Variants in RTL10 observed in about 807,000 individuals in gnomAD.
The protein encoded by RTL10 is protein Bop.
For synonymous variants in RTL10, 199 were observed against 188.4 expected (o/e 1.06, Z -0.46); for missense variants, 477 against 470.7 (o/e 1.01, Z -0.12).
Position 19,849,756 on chromosome 22 carries a change from T to G in RTL10, c.*1411A>C, listed in dbSNP as rs1296377382. Reference sequence around the variant, plus strand: ...TCCAATTCACATTTCTGCTTTTTCTTCCTACTTTCCAGGAAGGTGTTGTTT... The same window carrying G: ...TCCAATTCACATTTCTGCTTTTTCTGCCTACTTTCCAGGAAGGTGTTGTTT... On this transcript the variant is annotated 3_prime_UTR_variant, in exon 3 of 3. Coordinates refer to ENST00000328554, the MANE Select transcript of RTL10 (RefSeq NM_024627.6). The G allele has an allele frequency of 1.0e-6, 1 of 985,340 alleles. No individual in the cohort carries two copies. Among genetic ancestry groups the G allele is most frequent in the Non-Finnish European group, 1.2e-6 (1 of 829,938 alleles). 61.0% of individuals were successfully genotyped at this position (985,340 alleles called of 1,614,324 possible). A position where few individuals can be genotyped will look rare whatever the true frequency, so the allele number is the denominator to read the frequency against.
Position 19,851,596 on chromosome 22 carries a change from G to C in RTL10, c.666C>G (p.Gly222=), listed in dbSNP as rs753038784. The change falls in exon 3 of 3, where the codon GGC becomes GGG. Residue 222 remains glycine (G), a synonymous_variant. Transcript: ENST00000328554. ...GGGCAGTACCCATGTCGAGTGCCAGGCCCTCTAAGAACCTAGCTAAGTATT... is the reference window on the plus strand; with the variant it reads ...GGGCAGTACCCATGTCGAGTGCCAGCCCCTCTAAGAACCTAGCTAAGTATT... The part of the protein sequence containing the change: ...VRQYLARFLE[G]LALDMGTAPR... 3 of 1,599,742 alleles carry C rather than the reference G, an allele frequency of 1.9e-6. No homozygotes were observed. The East Asian group carries it at 6.7e-5, about 36-fold the overall frequency.
At chr22:19,854,211 C>A (rs1050758239) in intron 2 of RTL10, among the ~76,000 whole-genome samples, 1 of 152,226 alleles carries the variant, frequency 6.6e-6, no homozygotes, top group Non-Finnish European at 1.5e-5. Context: ...CAGCACTATC[C>A]TAAAGGGGCA....
chr22:19,848,122 C>A lies in RTL10; in HGVS notation c.*3045G>T. 1.0e-6 allele frequency: 1 copy of A among 984,610 alleles called. No homozygotes were observed. Among genetic ancestry groups the A allele is most frequent in the Non-Finnish European group, 1.2e-6 (1 of 829,500 alleles). 61.0% of individuals were successfully genotyped at this position (984,610 alleles called of 1,614,324 possible). On this transcript the variant is annotated 3_prime_UTR_variant, in exon 3 of 3. Coordinates refer to ENST00000328554, the MANE Select transcript of RTL10 (RefSeq NM_024627.6). Reference sequence around the variant, plus strand: ...ATTCCAATATCCCATAGGACCTTATCCTTAGTACTTCCTATTTTAAAGTTT... The same window carrying A: ...ATTCCAATATCCCATAGGACCTTATACTTAGTACTTCCTATTTTAAAGTTT...
chr22:19,852,994 C>T (rs943168119), intron 2 of RTL10, among the ~76,000 whole-genome samples: 1 of 152,194 alleles, frequency 6.6e-6, no homozygotes. Context: ...CTCTGAACAA[C>T]GCACAGACCG....
In RTL10 at chr22:19,851,068, C is replaced by T. The variant is rs988948554; in HGVS notation, c.*99G>A. The T allele has an allele frequency of 1.6e-5, 24 of 1,465,198 alleles. No individual in the cohort carries two copies. In the East Asian group the frequency reaches 5.7e-4, roughly 35 times the overall value. 90.8% of individuals were successfully genotyped at this position (1,465,198 alleles called of 1,614,324 possible). On this transcript the variant is annotated 3_prime_UTR_variant, in exon 3 of 3. Coordinates refer to ENST00000328554, the MANE Select transcript of RTL10 (RefSeq NM_024627.6). ...GCCCAGCTATGGGGTCTGAAGTCATCTGGGGACACCACTCTGCTCTGACTG... is the reference window on the plus strand; with the variant it reads ...GCCCAGCTATGGGGTCTGAAGTCATTTGGGGACACCACTCTGCTCTGACTG...
Position 19,846,497 on chromosome 22 carries a change from G to A in RTL10, c.*4670C>T, listed in dbSNP as rs1043772915. 1.3e-5 allele frequency: 13 copies of A among 985,298 alleles called. No homozygotes were observed. The highest frequency in any genetic ancestry group is 1.6e-5 in the Non-Finnish European group (13 of 829,906). The allele number at this position is 985,298 out of a possible 1,614,324, so 61.0% of individuals were successfully genotyped here. ...GGGACTCTGCACACAGGCATGTGGA[G>A]ACCACAGAAGCCTGCCCAATATAGC... is the stretch of plus-strand genomic sequence containing the variant. On this transcript the variant is annotated 3_prime_UTR_variant, in exon 3 of 3. Transcript: ENST00000328554.
rs1938027760 is a variant in RTL10, at chr22:19,848,890, A to G, written c.*2277T>C. 2.0e-6 allele frequency: 2 copies of G among 985,384 alleles called. No homozygotes were observed. The highest frequency in any genetic ancestry group is 4.7e-5 in the South Asian group (1 of 21,280). 61.0% of individuals were successfully genotyped at this position (985,384 alleles called of 1,614,324 possible). On this transcript the variant is annotated 3_prime_UTR_variant, in exon 3 of 3. Coordinates refer to ENST00000328554, the MANE Select transcript of RTL10 (RefSeq NM_024627.6). Reference sequence around the variant, plus strand: ...TGGCCTGTCCAGAAGCCTGTGGGACAGGGTAAAGGTCAGCTGGGTGACTAG... The same window carrying G: ...TGGCCTGTCCAGAAGCCTGTGGGACGGGGTAAAGGTCAGCTGGGTGACTAG...
rs34331843 is a variant in RTL10 at position 19,847,804 on chromosome 22, C to CAA, written c.*3361_*3362dup. The CAA allele has an allele frequency of 0.015, 8,993 of 606,912 alleles. 34 individuals are homozygous for CAA. The highest frequency in any genetic ancestry group is 0.015 in the Non-Finnish European group (7,751 of 514,948). 37.6% of individuals were successfully genotyped at this position (606,912 alleles called of 1,614,324 possible). A position where few individuals can be genotyped will look rare whatever the true frequency, so the allele number is the denominator to read the frequency against. On this transcript the variant is annotated 3_prime_UTR_variant, in exon 3 of 3. Coordinates refer to ENST00000328554, the MANE Select transcript of RTL10 (RefSeq NM_024627.6). ...ACTTTTAAAATCCTGGAATCATAGG[C>CAA]AAAAAAAAAAAAAAAAAAAAATTCA...
chr22:19,851,678 G>A lies in RTL10; in HGVS notation c.584C>T (p.Pro195Leu). The change falls in exon 3 of 3, where the codon CCC (proline) becomes CTC (leucine). Residue 195 changes from proline to leucine, a missense_variant. By Grantham distance (98) the Pro-to-Leu change is moderately conservative. Coordinates refer to ENST00000328554, the MANE Select transcript of RTL10 (RefSeq NM_024627.6). Reference sequence around the variant, plus strand: ...CAGCTGGCTGGAGGCCAGGGGCAGGGGACAGGTAACCACAGCATGGTACTC... The same window carrying A: ...CAGCTGGCTGGAGGCCAGGGGCAGGAGACAGGTAACCACAGCATGGTACTC... ...FAEYHAVVTC[P>L]LPLASSQLPV... 2.5e-6 allele frequency: 4 copies of A among 1,596,710 alleles called. No individual in the cohort carries two copies. Among genetic ancestry groups the A allele is most frequent in the Non-Finnish European group, 3.4e-6 (4 of 1,169,200 alleles).
rs932180181 is a variant in RTL10, at chr22:19,851,544, T to G, written c.718A>C (p.Thr240Pro). ...GAGTTGGACCCAGACACAGCAGGGG[T>G]GGCCATGGCGGCTGGTAAAGACCTG... ...APRSLPAAMA[T>P]PAVSGSNSVS... The change falls in exon 3 of 3, where the codon ACC becomes CCC. Residue 240 changes from threonine (T) to proline (P), a missense_variant. By Grantham distance (38) the Thr-to-Pro change is conservative. Coordinates refer to ENST00000328554, the MANE Select transcript of RTL10 (RefSeq NM_024627.6). 2 of 1,613,078 alleles carry G rather than the reference T, an allele frequency of 1.2e-6. No homozygotes were observed. Among genetic ancestry groups the G allele is most frequent in the Admixed American group, 1.7e-5 (1 of 59,942 alleles).
At position 19,850,161 on chromosome 22, in the gene RTL10, C is replaced by T; in HGVS notation, c.*1006G>A. ...ACAGCTGCAATGCTGACCTGGAATG[C>T]TCATGGCCAGGCCTCTGCTCCTGAC... On this transcript the variant is annotated 3_prime_UTR_variant, in exon 3 of 3. Transcript: ENST00000328554. 1.0e-6 allele frequency: 1 copy of T among 985,618 alleles called. No individual in the cohort carries two copies. Among genetic ancestry groups the T allele is most frequent in the South Asian group, 4.7e-5 (1 of 21,290 alleles). The allele number at this position is 985,618 out of a possible 1,614,324, so 61.1% of individuals were successfully genotyped here. A position where few individuals can be genotyped will look rare whatever the true frequency, so the allele number is the denominator to read the frequency against.
Position 19,848,887 on chromosome 22 carries a change from G to C in RTL10, c.*2280C>G. The C allele has an allele frequency of 1.0e-6, 1 of 985,394 alleles. No individual in the cohort carries two copies. The highest frequency in any genetic ancestry group is 1.2e-6 in the Non-Finnish European group (1 of 829,910). 61.0% of individuals were successfully genotyped at this position (985,394 alleles called of 1,614,324 possible). A position where few individuals can be genotyped will look rare whatever the true frequency, so the allele number is the denominator to read the frequency against. On this transcript the variant is annotated 3_prime_UTR_variant, in exon 3 of 3. Transcript: ENST00000328554. ...AGGTGGCCTGTCCAGAAGCCTGTGGGACAGGGTAAAGGTCAGCTGGGTGAC... is the reference window on the plus strand; with the variant it reads ...AGGTGGCCTGTCCAGAAGCCTGTGGCACAGGGTAAAGGTCAGCTGGGTGAC...
chr22:19,847,715 G>T lies in RTL10; in HGVS notation c.*3452C>A. 1.0e-6 allele frequency: 1 copy of T among 978,056 alleles called. No homozygotes were observed. The highest frequency in any genetic ancestry group is 1.2e-6 in the Non-Finnish European group (1 of 828,886). 60.6% of individuals were successfully genotyped at this position (978,056 alleles called of 1,614,324 possible). A position where few individuals can be genotyped will look rare whatever the true frequency, so the allele number is the denominator to read the frequency against. ...TTACGTGGTCAAATTATATTATTGT[G>T]TATTCCCACCAACAGTATGAGAAGG... On this transcript the variant is annotated 3_prime_UTR_variant, in exon 3 of 3. Transcript: ENST00000328554.
intron 2 of RTL10, among the ~76,000 whole-genome samples, chr22:19,852,935 G>A (rs1228337810): frequency 6.6e-6 from 1 of 152,138 alleles, no homozygotes; most frequent in Non-Finnish European, 1.5e-5. Context: ...TACAGCACGC[G>A]ATTATAAACT....
In RTL10 at chr22:19,847,454, C is replaced by A; in HGVS notation, c.*3713G>T. ...TAGAGGGCCCAGACCCCAGCCAAGG[C>A]ACTGCATGGGCATCATTCTCATTCA... On this transcript the variant is annotated 3_prime_UTR_variant, in exon 3 of 3. Coordinates refer to ENST00000328554, the MANE Select transcript of RTL10 (RefSeq NM_024627.6). 1.0e-6 allele frequency: 1 copy of A among 985,450 alleles called. No homozygotes were observed. The highest frequency in any genetic ancestry group is 1.2e-6 in the Non-Finnish European group (1 of 829,944). 61.0% of individuals were successfully genotyped at this position (985,450 alleles called of 1,614,324 possible).
chr22:19,850,513 G>C lies in RTL10; in HGVS notation c.*654C>G. The C allele has an allele frequency of 9.4e-7, 1 of 1,059,686 alleles. No homozygotes were observed. The allele number at this position is 1,059,686 out of a possible 1,614,324, so 65.6% of individuals were successfully genotyped here. On this transcript the variant is annotated 3_prime_UTR_variant, in exon 3 of 3. Transcript: ENST00000328554. ...AGGGCGAATGCCTGCAGCTGAGCCT[G>C]GCAAGGGGCTTGCATCCCACCTTCC... is the stretch of plus-strand genomic sequence containing the variant.
intron 2 of RTL10, among the ~76,000 whole-genome samples, chr22:19,852,786 C>T (rs1040236248): frequency 6.6e-6 from 1 of 152,130 alleles, no homozygotes; most frequent in Non-Finnish European, 1.5e-5. Flanking sequence ...CCATTTGTGC[C>T]ACCTCCCCCA....
chr22:19,853,743 C>T (rs1312426890), intron 2 of RTL10, among the ~76,000 whole-genome samples: 2 of 152,080 alleles, frequency 1.3e-5, no homozygotes, highest in Non-Finnish European at 1.5e-5. Context: ...CACCTGAAAG[C>T]CCAGCCCATG....
At position 19,850,120 on chromosome 22, in the gene RTL10, G is replaced by A; in HGVS notation, c.*1047C>T. The A allele has an allele frequency of 1.0e-6, 1 of 985,236 alleles. No individual in the cohort carries two copies. The highest frequency in any genetic ancestry group is 1.2e-6 in the Non-Finnish European group (1 of 829,944). 61.0% of individuals were successfully genotyped at this position (985,236 alleles called of 1,614,324 possible). A position where few individuals can be genotyped will look rare whatever the true frequency, so the allele number is the denominator to read the frequency against. On this transcript the variant is annotated 3_prime_UTR_variant, in exon 3 of 3. Coordinates refer to ENST00000328554, the MANE Select transcript of RTL10 (RefSeq NM_024627.6). Reference sequence around the variant, plus strand: ...TTGATCAGACCCTTGGACCCTCAAAGCCCCTGCCAGAAACCACAGCTGCAA... The same window carrying A: ...TTGATCAGACCCTTGGACCCTCAAAACCCCTGCCAGAAACCACAGCTGCAA...
Sources: gnomAD v4.1 joint callset for allele counts (sites outside exome capture counted in the v4.1 genomes callset) on GRCh38, gnomAD v4.1.1 for gene constraint, MANE v1.5 for transcripts, NCBI Gene and HGNC (gene_info 2026-07-23, HGNC 2026-07-21) for gene names.